Variants in CYLC2 observed in about 807,000 individuals in gnomAD.
CYLC2 encodes the protein cylicin-2.
Under a neutral mutation model 26.1 loss-of-function variants are expected in CYLC2, and 30 were observed. That is an observed-to-expected ratio of 1.15 (90% CI 0.86 to 1.56). CYLC2 has a LOEUF of 1.56. Among genes scored for constraint, CYLC2 ranks in the 40% most tolerant of loss-of-function variants. The probability of loss-of-function intolerance (pLI) is 0.00; values close to 1 mark genes in which losing one functional copy is unlikely to be tolerated. For synonymous variants in CYLC2, 158 were observed against 132.8 expected (o/e 1.19, Z -1.31); for missense variants, 498 against 394.4 (o/e 1.26, Z -2.23).
In CYLC2 at chr9:103,004,679, T is replaced by C; in HGVS notation, c.181-16T>C. On this transcript the variant is annotated splice_polypyrimidine_tract_variant and intron_variant, in intron 3 of 7. Transcript: ENST00000374798. ...TCACTCACAAGTTGTTCATCATTATTGTAACCATCTTTCAGATAATTGATG... is the reference window on the plus strand; with the variant it reads ...TCACTCACAAGTTGTTCATCATTATCGTAACCATCTTTCAGATAATTGATG... 1 of 1,569,468 alleles carries C rather than the reference T, an allele frequency of 6.4e-7. No individual in the cohort carries two copies. Among genetic ancestry groups the C allele is most frequent in the Non-Finnish European group, 8.6e-7 (1 of 1,157,372 alleles).
intron 7 of CYLC2, among the ~76,000 whole-genome samples, 180 bp from the exon 8 acceptor site, chr9:103,018,145 A>T (rs922335522): frequency 5.3e-5 from 8 of 151,970 alleles, no homozygotes; most frequent in Non-Finnish European, 1.0e-4. Context: ...TCAGTTGAGG[A>T]ATTTGTACTC....
chr9:103,014,371 A>G (rs1422493902), intron 6 of CYLC2, among the ~76,000 whole-genome samples: 2 of 137,408 alleles, frequency 1.5e-5, no homozygotes, highest in Non-Finnish European at 3.1e-5. Context: ...CATAATATAC[A>G]TTATGTATAT....
chr9:103,005,306 G>C lies in CYLC2; in HGVS notation c.675G>C (p.Lys225Asn). ...GCAAAAAAGGTAAAAAGGATTCAAA[G>C]AAGGGCAAGGATTCAGCCATAGAAT... ...KDSKKGKKDS[K>N]KGKDSAIELQ... The change falls in exon 5 of 8, where the codon AAG becomes AAC. Residue 225 changes from lysine to asparagine, a missense_variant. Physicochemically the swap from Lys to Asn is moderately conservative, Grantham distance 94. Transcript: ENST00000374798. 1 of 1,613,664 alleles carries C rather than the reference G, an allele frequency of 6.2e-7. No individual in the cohort carries two copies. The highest frequency in any genetic ancestry group is 8.5e-7 in the Non-Finnish European group (1 of 1,179,874).
At chr9:102,996,147 A>T (rs1264086574) in intron 1 of CYLC2, among the ~76,000 whole-genome samples, 4 of 151,882 alleles carry the variant, frequency 2.6e-5, no homozygotes, top group African/African-American at 9.7e-5. Context: ...TATTAAAAAT[A>T]AAATAGGCTT....
rs373184793 is a variant in CYLC2, at chr9:103,005,671, G to A, written c.1040G>A (p.Gly347Asp). The A allele has an allele frequency of 5.0e-5, 81 of 1,605,292 alleles. 1 individual carries two copies. Among genetic ancestry groups the A allele is most frequent in the Admixed American group, 3.9e-4 (23 of 58,264 alleles). Residue 347 changes from glycine to aspartate, a missense_variant, in exon 5 of 8, where the codon GGC (glycine) becomes GAC (aspartate). Coordinates refer to ENST00000374798, the MANE Select transcript of CYLC2 (RefSeq NM_001340.5). ...KDEKKDAKKK[G>D]K ...GAAAAGAAGGATGCAAAGAAGAAGG[G>A]CAAGTAGGCCTTGGATAAGAATTTG...
chr9:103,014,435 T>G (rs1287918612), intron 6 of CYLC2, among the ~76,000 whole-genome samples: 1 of 97,068 alleles, frequency 1.0e-5, no homozygotes. Flanking sequence ...ACATAATGTA[T>G]ATTACATAAT....
chr9:103,003,893 A>T (rs1241136769), intron 3 of CYLC2, among the ~76,000 whole-genome samples: 1 of 152,118 alleles, frequency 6.6e-6, no homozygotes, highest in African/African-American at 2.4e-5. Context: ...ATATTTCGCA[A>T]TATTTCTGGA....
At chr9:103,000,755 T>C (rs1829280568) in intron 1 of CYLC2, among the ~76,000 whole-genome samples, 1 of 152,040 alleles carries the variant, frequency 6.6e-6, no homozygotes, top group Non-Finnish European at 1.5e-5. Context: ...TGTTTGTGTA[T>C]GAGCACAAAA....
At chr9:102,997,785 GA>G (rs1189827877) in intron 1 of CYLC2, among the ~76,000 whole-genome samples, 1 of 151,856 alleles carries the variant, frequency 6.6e-6, no homozygotes, top group Non-Finnish European at 1.5e-5. Flanking sequence ...CAGGCAAGAG[GA>G]AAGATGGGTG....
chr9:103,005,048 A>G lies in CYLC2; in HGVS notation c.417A>G (p.Lys139=), dbSNP rs1829326457. The change falls in exon 5 of 8, where the codon AAA becomes AAG. Residue 139 remains lysine (K), a synonymous_variant. Coordinates refer to ENST00000374798, the MANE Select transcript of CYLC2 (RefSeq NM_001340.5). Reference sequence around the variant, plus strand: ...AATCAGAATTAAAACAAGGAAAAAAAGATTCAAAGAAAGGCAAGGATATAG... The same window carrying G: ...AATCAGAATTAAAACAAGGAAAAAAGGATTCAAAGAAAGGCAAGGATATAG... ...DSESELKQGK[K]DSKKGKDIEK... is the part of the protein sequence containing the mutation. 2 of 1,598,950 alleles carry G rather than the reference A, an allele frequency of 1.3e-6. No individual in the cohort carries two copies. The highest frequency in any genetic ancestry group is 1.4e-5 in the African/African-American group (1 of 73,402).
intron 5 of CYLC2, among the ~76,000 whole-genome samples, chr9:103,007,136 C>A (rs1484219728): frequency 6.6e-6 from 1 of 151,956 alleles, no homozygotes; most frequent in Admixed American, 6.6e-5. Context: ...GAGTAAATTT[C>A]TTTTAGAATT....
chr9:102,999,467 T>A (rs1829267417), intron 1 of CYLC2, among the ~76,000 whole-genome samples: 1 of 151,858 alleles, frequency 6.6e-6, no homozygotes, highest in Non-Finnish European at 1.5e-5. Context: ...TCTTAGTGCT[T>A]TTATTGCTTT....
At chr9:103,014,465 TAATATACATAATATGTATATTATGC>T (rs1564101165) in intron 6 of CYLC2, among the ~76,000 whole-genome samples, 9 of 136,246 alleles carry the variant, frequency 6.6e-5, no homozygotes, top group Admixed American at 1.6e-4. Context: ...GTATATTACG[TAATATACATAATATGTATATTATGC>T]AATATACATA....
chr9:102,995,507 A>G, intron 1 of CYLC2, 110 bp downstream of exon 1: 1 of 837,846 alleles, frequency 1.2e-6, no homozygotes, highest in East Asian at 2.5e-5. Context: ...ATTCATAAGC[A>G]AAAGATAATG....
chr9:103,008,933 C>A (rs1367883693), intron 5 of CYLC2, among the ~76,000 whole-genome samples: 1 of 152,086 alleles, frequency 6.6e-6, no homozygotes, highest in Admixed American at 6.6e-5. Flanking sequence ...GCCACACTTA[C>A]CATCAACTTT....
In CYLC2 at chr9:103,012,104, A is replaced by G. The variant is rs904869316; in HGVS notation, c.*816+7A>G. 1 of 151,734 alleles carries G rather than the reference A, an allele frequency of 6.6e-6. No homozygotes were observed. Among genetic ancestry groups the G allele is most frequent in the Non-Finnish European group, 1.5e-5 (1 of 67,968 alleles). The allele number at this position is 151,734 out of a possible 1,614,324, so 9.4% of individuals were successfully genotyped here. On this transcript the variant is annotated splice_region_variant and intron_variant, in intron 6 of 7. Coordinates refer to ENST00000374798, the MANE Select transcript of CYLC2 (RefSeq NM_001340.5). ...CTGGTAGCTGGGATTACAGGTATGC[A>G]TCACCACATCCAGCTAATTTGTATT...
intron 5 of CYLC2, among the ~76,000 whole-genome samples, chr9:103,008,035 C>T (rs1412789453): frequency 2.0e-5 from 3 of 150,628 alleles, no homozygotes; most frequent in African/African-American, 7.5e-5. Context: ...CCTCTAGGAA[C>T]CTGCTCATCA....
chr9:103,014,407 A>G (rs1829463643), intron 6 of CYLC2, among the ~76,000 whole-genome samples: 1 of 72,764 alleles, frequency 1.4e-5, no homozygotes, highest in African/African-American at 4.4e-5. Flanking sequence ...AATGTATGTT[A>G]CGTAATGTAA....
chr9:103,016,703 A>C (rs1829510021), intron 6 of CYLC2, among the ~76,000 whole-genome samples, 185 bp from the exon 7 acceptor site: 1 of 152,064 alleles, frequency 6.6e-6, no homozygotes, highest in South Asian at 2.1e-4. Flanking sequence ...GGATTGATTC[A>C]GTTGATTTAC....
Sources: allele counts gnomAD v4.1 joint callset (sites outside exome capture counted in the v4.1 genomes callset), GRCh38; gene constraint gnomAD v4.1.1; transcripts MANE v1.5; gene names NCBI Gene and HGNC (gene_info 2026-07-23, HGNC 2026-07-21).